TMPRSS11E: variants seen among roughly 807,000 people sequenced by gnomAD.
The protein encoded by TMPRSS11E is transmembrane protease serine 11E.
In TMPRSS11E, 38 loss-of-function variants were observed where a neutral mutation model predicts 48.1. The ratio of observed to expected loss-of-function variants is 0.79; its 90% CI spans 0.61 to 1.04. The LOEUF (loss-of-function observed/expected upper bound fraction) is 1.04, where lower values mean the gene tolerates loss of function less well. Among genes scored for constraint, TMPRSS11E ranks in the 50% least tolerant of loss-of-function variants. The pLI is 0.00. For missense variants in TMPRSS11E, 530 were observed against 510.8 expected (o/e 1.04, Z -0.36); for synonymous variants, 158 against 171.9 (o/e 0.92, Z 0.63).
intron 1 of TMPRSS11E, among the ~76,000 whole-genome samples, chr4:68,447,834 A>T (rs1728383241): frequency 6.6e-6 from 1 of 152,014 alleles, no homozygotes; most frequent in Non-Finnish European, 1.5e-5. Flanking sequence ...TTCAAGAAAG[A>T]TATAACATAT....
At chr4:68,493,230 G>GTACA (rs1729778696) in intron 9 of TMPRSS11E, among the ~76,000 whole-genome samples, 2 of 151,854 alleles carry the variant, frequency 1.3e-5, no homozygotes, top group Admixed American at 1.3e-4. Flanking sequence ...TACGTTATCC[G>GTACA]TACATACCCT....
At chr4:68,451,474 G>T (rs1291109845) in intron 1 of TMPRSS11E, among the ~76,000 whole-genome samples, 1 of 151,760 alleles carries the variant, frequency 6.6e-6, no homozygotes, top group South Asian at 2.1e-4. Flanking sequence ...TTTTAGAATT[G>T]CAATTCTAAG....
Position 68,477,541 on chromosome 4 carries a change from C to G in TMPRSS11E, c.880C>G (p.His294Asp). The G allele has an allele frequency of 6.2e-7, 1 of 1,614,064 alleles. No individual in the cohort carries two copies. The highest frequency in any genetic ancestry group is 8.5e-7 in the Non-Finnish European group (1 of 1,179,954). Residue 294 changes from histidine to aspartate, a missense_variant, in exon 8 of 10, where the codon CAT becomes GAT. By Grantham distance (81) the His-to-Asp change is moderately conservative. Coordinates refer to ENST00000305363, the MANE Select transcript of TMPRSS11E (RefSeq NM_014058.4). ...SSPVPYTNAV[H>D]RVCLPDASYE... is the part of the protein sequence containing the mutation. ...CCCTGTTCCCTACACAAATGCAGTA[C>G]ATAGAGTTTGTCTCCCTGATGCATC...
Position 68,494,221 on chromosome 4 carries a change from C to T in TMPRSS11E, c.1111-2422C>T, listed in dbSNP as rs536745822. Among the ~76,000 whole-genome samples the T allele has an allele frequency of 6.6e-5, 10 of 152,048 alleles. No homozygotes were observed. The South Asian group carries it at 2.1e-3, about 32-fold the overall frequency. On this transcript the variant is annotated intron_variant, in intron 9 of 9. Transcript: ENST00000305363. ...AATTCAACTCTTGCCCATATTTAGTCTTACATTTCTACCTACTTCAAAGTG... is the reference window on the plus strand; with the variant it reads ...AATTCAACTCTTGCCCATATTTAGTTTTACATTTCTACCTACTTCAAAGTG...
chr4:68,474,677 G>A, intron 5 of TMPRSS11E, 46 bp from the exon 6 acceptor site: 12 of 1,584,564 alleles, frequency 7.6e-6, no homozygotes, highest in Non-Finnish European at 1.0e-5. Flanking sequence ...GAGGCATAGT[G>A]TAACTCTGAT....
intron 5 of TMPRSS11E, among the ~76,000 whole-genome samples, chr4:68,473,148 G>A (rs372280513): frequency 2.0e-5 from 3 of 152,044 alleles, no homozygotes; most frequent in East Asian, 3.8e-4. Context: ...ATTGAGGGGT[G>A]AGGAAGGACT....
At chr4:68,488,258 C>T (rs567275433) in intron 9 of TMPRSS11E, among the ~76,000 whole-genome samples, 43 of 152,236 alleles carry the variant, frequency 2.8e-4, no homozygotes, top group Non-Finnish European at 5.7e-4. Context: ...ATGAGTTTTC[C>T]AAGTTGCTTG....
chr4:68,462,903 T>C (rs1200680817), intron 2 of TMPRSS11E, among the ~76,000 whole-genome samples: 1 of 152,186 alleles, frequency 6.6e-6, no homozygotes, highest in Non-Finnish European at 1.5e-5. Flanking sequence ...TTCAGAACTG[T>C]TATTCTGGGA....
intron 3 of TMPRSS11E, among the ~76,000 whole-genome samples, chr4:68,467,804 C>T (rs912479140): frequency 1.3e-5 from 2 of 151,874 alleles, no homozygotes; most frequent in African/African-American, 4.8e-5. Context: ...TTCTCTAAGG[C>T]TAAATACATA....
intron 9 of TMPRSS11E, among the ~76,000 whole-genome samples, chr4:68,490,547 C>T (rs1729686974): frequency 1.3e-5 from 2 of 151,944 alleles, no homozygotes; most frequent in African/African-American, 4.8e-5. Flanking sequence ...GGTTAGGCCT[C>T]TTCTGATAAC....
chr4:68,470,533 T>G (rs1371742537), intron 4 of TMPRSS11E, among the ~76,000 whole-genome samples: 1 of 151,886 alleles, frequency 6.6e-6, no homozygotes, highest in African/African-American at 2.4e-5. Context: ...CACAAATGTA[T>G]GAGTGCATTT....
intron 9 of TMPRSS11E, among the ~76,000 whole-genome samples, chr4:68,484,758 A>C (rs2708683): frequency 1.3e-5 from 2 of 152,004 alleles, no homozygotes; most frequent in African/African-American, 2.4e-5. Flanking sequence ...TAAGATGTTA[A>C]TGTTGTATAG....
At chr4:68,480,034 G>A (rs920359338) in intron 9 of TMPRSS11E, among the ~76,000 whole-genome samples, 1 of 152,066 alleles carries the variant, frequency 6.6e-6, no homozygotes, top group Non-Finnish European at 1.5e-5. Flanking sequence ...TCCAATAGAT[G>A]AGGTGTCATT....
At chr4:68,473,541 A>G (rs1267085167) in intron 5 of TMPRSS11E, among the ~76,000 whole-genome samples, 1 of 152,164 alleles carries the variant, frequency 6.6e-6, no homozygotes, top group Non-Finnish European at 1.5e-5. Context: ...CTTATTGCAC[A>G]TATCTTGTCT....
intron 9 of TMPRSS11E, among the ~76,000 whole-genome samples, chr4:68,494,481 A>G (rs1729815972): frequency 6.6e-6 from 1 of 151,930 alleles, no homozygotes; most frequent in East Asian, 1.9e-4. Context: ...TTATGCCCCT[A>G]TTATTTCTGT....
At chr4:68,480,355 A>T (rs768951340) in intron 9 of TMPRSS11E, among the ~76,000 whole-genome samples, 3 of 152,024 alleles carry the variant, frequency 2.0e-5, no homozygotes, top group Non-Finnish European at 2.9e-5. Context: ...GAGATTGGGT[A>T]ATTTCAATGT....
At chr4:68,468,841 T>C in intron 3 of TMPRSS11E, 38 bp from the exon 4 acceptor site, 1 of 1,383,824 alleles carries the variant, frequency 7.2e-7, no homozygotes, top group Non-Finnish European at 1.0e-6. Context: ...TTCAGAAAGT[T>C]GTTCTTGCTG....
intron 1 of TMPRSS11E, among the ~76,000 whole-genome samples, chr4:68,449,674 A>G (rs888760631): frequency 1.3e-4 from 19 of 151,864 alleles, no homozygotes; most frequent in African/African-American, 3.9e-4. Context: ...TACACAATGT[A>G]ATTCTTATTT....
chr4:68,479,086 G>A (rs1317705714), intron 9 of TMPRSS11E, 95 bp downstream of exon 9: 8 of 1,447,356 alleles, frequency 5.5e-6, no homozygotes, highest in Non-Finnish European at 7.6e-6. Context: ...AGATAGTACA[G>A]AGGAGTCACA....
Sources: allele counts gnomAD v4.1 joint callset (sites outside exome capture counted in the v4.1 genomes callset), GRCh38; gene constraint gnomAD v4.1.1; transcripts MANE v1.5; gene names NCBI Gene and HGNC (gene_info 2026-07-23, HGNC 2026-07-21).